The following FGGY variants were observed in gnomAD, a reference collection of about 807,000 sequenced individuals.
FGGY encodes FGGY carbohydrate kinase domain-containing protein.
Under a neutral mutation model 71.3 loss-of-function variants are expected in FGGY, and 72 were observed. The observed-to-expected ratio is 1.01, with a 90% CI of 0.84 to 1.23. FGGY has a LOEUF of 1.23. Ranked by LOEUF, FGGY falls within the 50% of genes most tolerant of loss-of-function variation. The pLI is 0.00. For missense variants in FGGY, 668 were observed against 682.3 expected (o/e 0.98, Z 0.23); for synonymous variants, 251 against 250.3 (o/e 1.00, Z -0.02).
intron 8 of FGGY, among the ~76,000 whole-genome samples, chr1:59,601,452 AAGAG>A (rs954414274): frequency 1.3e-5 from 2 of 152,214 alleles, no homozygotes; most frequent in Non-Finnish European, 2.9e-5. Context: ...CATAGACAAA[AAGAG>A]AGGCAGGAGC....
chr1:59,612,186 C>T (rs1379324042), intron 9 of FGGY, among the ~76,000 whole-genome samples: 1 of 152,164 alleles, frequency 6.6e-6, no homozygotes, highest in Admixed American at 6.5e-5. Flanking sequence ...CTCCAAGACA[C>T]ATAATTGTCA....
intron 7 of FGGY, 78 bp downstream of exon 7, chr1:59,512,517 T>C (rs1032560119): frequency 3.2e-5 from 47 of 1,451,120 alleles, no homozygotes; most frequent in Non-Finnish European, 4.1e-5. Context: ...ACTCCTTTTC[T>C]GTTTTTAAAG....
chr1:59,492,438 C>T (rs1215274828), intron 6 of FGGY, among the ~76,000 whole-genome samples: 1 of 152,136 alleles, frequency 6.6e-6, no homozygotes, highest in African/African-American at 2.4e-5. Context: ...GGGAAATCCT[C>T]TGCCAGTATT....
chr1:59,525,719 A>G (rs1022549074), intron 7 of FGGY, among the ~76,000 whole-genome samples: 3 of 152,194 alleles, frequency 2.0e-5, no homozygotes, highest in African/African-American at 7.2e-5. Context: ...AGTGGTAAAC[A>G]AAGCCAAGCT....
At chr1:59,374,629 C>G (rs943245290) in intron 4 of FGGY, among the ~76,000 whole-genome samples, 8 of 151,908 alleles carry the variant, frequency 5.3e-5, no homozygotes, top group Non-Finnish European at 1.0e-4. Context: ...GCACTGTTCA[C>G]AATAGGAAAG....
chr1:59,466,573 A>T (rs2092643300), intron 6 of FGGY, among the ~76,000 whole-genome samples: 1 of 152,246 alleles, frequency 6.6e-6, no homozygotes, highest in Non-Finnish European at 1.5e-5. Context: ...CAGGCAACCT[A>T]CAGAATGGGA....
At chr1:59,338,031 G>A (rs1304353620) in intron 2 of FGGY, among the ~76,000 whole-genome samples, 2 of 152,212 alleles carry the variant, frequency 1.3e-5, no homozygotes, top group Middle Eastern at 3.4e-3. Flanking sequence ...TCTCTTCTAT[G>A]TCTGGTTTAT....
rs113120451 is a variant in FGGY at position 59,557,190 on chromosome 1, A to G, written c.903+2963A>G. Among the ~76,000 whole-genome samples the G allele has an allele frequency of 7.0e-3, 1,068 of 152,226 alleles. 11 individuals carry two copies. The highest frequency in any genetic ancestry group is 0.024 in the African/African-American group (999 of 41,520). On this transcript the variant is annotated intron_variant, in intron 8 of 15. Transcript: ENST00000303721. ...GACCCCCTTTGTTGTGGTTCTGGCA[A>G]ATAAAACCGCCACTGTGAGGAAAAA...
chr1:59,585,272 C>G (rs962083358), intron 8 of FGGY, among the ~76,000 whole-genome samples: 1 of 152,204 alleles, frequency 6.6e-6, no homozygotes, highest in South Asian at 2.1e-4. Context: ...TCAAACTATA[C>G]TACCAGGCTA....
chr1:59,514,288 G>A (rs767409210), intron 7 of FGGY, among the ~76,000 whole-genome samples: 14 of 152,074 alleles, frequency 9.2e-5, no homozygotes, highest in Admixed American at 3.9e-4. Context: ...GGCTGGGACC[G>A]GCATATGCTG....
At chr1:59,511,411 C>T (rs1380776621) in intron 6 of FGGY, among the ~76,000 whole-genome samples, 2 of 151,012 alleles carry the variant, frequency 1.3e-5, no homozygotes, top group East Asian at 3.9e-4. Flanking sequence ...CAACTCCTAG[C>T]CCCTCCCTGC....
intron 5 of FGGY, among the ~76,000 whole-genome samples, chr1:59,415,878 T>C (rs1444409883): frequency 1.3e-5 from 2 of 152,244 alleles, no homozygotes; most frequent in African/African-American, 4.8e-5. Flanking sequence ...CTTTCTCCTT[T>C]CTGTTTTCAA....
chr1:59,571,121 T>G (rs1273482455), intron 8 of FGGY, among the ~76,000 whole-genome samples: 1 of 152,226 alleles, frequency 6.6e-6, no homozygotes, highest in East Asian at 1.9e-4. Context: ...TAATATGTAC[T>G]CTGTGTTCAT....
chr1:59,522,810 T>C (rs2094872010), intron 7 of FGGY, among the ~76,000 whole-genome samples: 1 of 152,182 alleles, frequency 6.6e-6, no homozygotes, highest in Admixed American at 6.5e-5. Flanking sequence ...CAAACCCTTA[T>C]TTGTGTGCCT....
At chr1:59,608,832 C>T (rs754638083) in intron 9 of FGGY, among the ~76,000 whole-genome samples, 3 of 151,984 alleles carry the variant, frequency 2.0e-5, no homozygotes, top group Non-Finnish European at 4.4e-5. Context: ...AGCGAAACTC[C>T]GTCTTAAAAA....
At chr1:59,373,475 TA>T (rs1175703211) in intron 4 of FGGY, among the ~76,000 whole-genome samples, 1 of 152,114 alleles carries the variant, frequency 6.6e-6, no homozygotes, top group Non-Finnish European at 1.5e-5. Flanking sequence ...AAAATGGCCA[TA>T]CTGCCCAAGG....
At chr1:59,755,499 G>A (rs965657056) in intron 14 of FGGY, 2 of 152,210 alleles carry the variant, frequency 1.3e-5, no homozygotes, top group Non-Finnish European at 2.9e-5. Context: ...ATATAGGTGG[G>A]AGGCAGGCAG....
At chr1:59,419,051 G>A (rs2064975514) in intron 5 of FGGY, among the ~76,000 whole-genome samples, 1 of 152,172 alleles carries the variant, frequency 6.6e-6, no homozygotes, top group South Asian at 2.1e-4. Context: ...AGCTATGGCT[G>A]TAGAGAAGGC....
At chr1:59,426,932 ATGATCATGAT>A (rs1212282126) in intron 5 of FGGY, among the ~76,000 whole-genome samples, 2 of 151,362 alleles carry the variant, frequency 1.3e-5, no homozygotes, top group African/African-American at 4.9e-5. Flanking sequence ...TTTGATTATT[ATGATCATGAT>A]TATTATTTTG....
Sources: gnomAD v4.1 joint callset for allele counts (sites outside exome capture counted in the v4.1 genomes callset) on GRCh38, gnomAD v4.1.1 for gene constraint, MANE v1.5 for transcripts, NCBI Gene and HGNC (gene_info 2026-07-23, HGNC 2026-07-21) for gene names.